The following PTPN23 variants were observed in gnomAD, a reference collection of about 807,000 sequenced individuals.
PTPN23 encodes protein tyrosine phosphatase non-receptor type 23, also known as tyrosine-protein phosphatase non-receptor type 23.
In PTPN23, 72 loss-of-function variants were observed where a neutral mutation model predicts 156.3. That is an observed-to-expected ratio of 0.46 (90% CI 0.38 to 0.56). The LOEUF is 0.56. Ranked by LOEUF, PTPN23 falls within the 20% of genes least tolerant of loss-of-function variation. The pLI is 0.00. For missense variants in PTPN23, 1,974 were observed against 2,171.5 expected, an observed-to-expected ratio of 0.91 and a Z score of 1.81; for synonymous variants, 957 against 899.6, an observed-to-expected ratio of 1.06 and a Z score of -1.14.
rs761360917 is a variant in PTPN23, at chr3:47,410,871, G to A, written c.3073G>A (p.Asp1025Asn). ...HTQLYPGPAQ[D>N]PLPAHSGALP... is the part of the protein sequence containing the mutation. ...CCAGCTCTACCCAGGTCCCGCTCAA[G>A]ACCCTCTGCCAGCCCACTCAGGGGC... is the stretch of plus-strand genomic sequence containing the variant. Residue 1025 changes from aspartate (D) to asparagine (N), a missense_variant, in exon 20 of 25, where the codon GAC (aspartate) becomes AAC (asparagine). By Grantham distance (23) the Asp-to-Asn change is conservative. Around this residue, in one of 4 missense-constraint regions of PTPN23, gnomAD observed 731 missense variants for 669.1 expected, o/e 1.09. Coordinates refer to ENST00000265562, the MANE Select transcript of PTPN23 (RefSeq NM_015466.4). 6.2e-7 allele frequency: 1 copy of A among 1,604,296 alleles called. No individual in the cohort carries two copies. The highest frequency in any genetic ancestry group is 8.5e-7 in the Non-Finnish European group (1 of 1,177,568).
Position 47,410,363 on chromosome 3 carries a change from A to T in PTPN23, c.2565A>T (p.Pro855=). 1 of 1,609,836 alleles carries T rather than the reference A, an allele frequency of 6.2e-7. No homozygotes were observed. Residue 855 remains proline (P), a synonymous_variant, in exon 20 of 25, where the codon CCA becomes CCT. Transcript: ENST00000265562. ...SSPYVGVGPA[P]PVAGLPSAPP... The stretch of plus-strand genomic sequence containing the variant: ...CCTATGTGGGGGTAGGGCCGGCCCC[A>T]CCAGTTGCAGGTCTCCCCTCGGCCC...
At chr3:47,394,103 T>C (rs1704830395) in intron 1 of PTPN23, among the ~76,000 whole-genome samples, 1 of 152,048 alleles carries the variant, frequency 6.6e-6, no homozygotes, top group African/African-American at 2.4e-5. Flanking sequence ...TTACATGACA[T>C]TAATTTTTTG....
In PTPN23 at chr3:47,412,338, G is replaced by A. The variant is rs1383754604; in HGVS notation, c.4234G>A (p.Val1412Met). The A allele has an allele frequency of 6.2e-7, 1 of 1,613,372 alleles. No individual in the cohort carries two copies. The highest frequency in any genetic ancestry group is 8.5e-7 in the Non-Finnish European group (1 of 1,180,036). The change falls in exon 23 of 25, where the codon GTG (valine) becomes ATG (methionine). Residue 1412 changes from valine (V) to methionine (M), a missense_variant. This residue lies in a region of PTPN23 where 484 missense variants were observed against 516.0 expected (regional missense o/e 0.94). Transcript: ENST00000265562. The part of the protein sequence containing the change: ...FALLYAAVQE[V>M]EAGNGIPELP... ...ACTGCTCTATGCAGCTGTGCAGGAGGTGGAGGCTGGGAACGGAATCCCTGA... is the reference window on the plus strand; with the variant it reads ...ACTGCTCTATGCAGCTGTGCAGGAGATGGAGGCTGGGAACGGAATCCCTGA...
rs10647488 is a variant in PTPN23, at chr3:47,404,407, C to CTTT, written c.160-229_160-227dup. Reference sequence around the variant, plus strand: ...CCAGCCTGGGTGACAGAATGAGACTCTTTTTTTTTTTTTTTTTTAAAAAAG... The same window carrying CTTT: ...CCAGCCTGGGTGACAGAATGAGACTCTTTTTTTTTTTTTTTTTTTTTAAAAAAG... On this transcript the variant is annotated intron_variant, in intron 2 of 24. Coordinates refer to ENST00000265562, the MANE Select transcript of PTPN23 (RefSeq NM_015466.4). Among the ~76,000 whole-genome samples the CTTT allele has an allele frequency of 6.3e-3, 880 of 140,586 alleles. 7 individuals carry two copies. Among genetic ancestry groups the CTTT allele is most frequent in the African/African-American group, 0.019 (704 of 37,926 alleles). 92.2% of individuals were successfully genotyped at this position (140,586 alleles called of 152,430 possible).
chr3:47,404,217 A>G (rs1021826081), intron 2 of PTPN23, among the ~76,000 whole-genome samples: 2 of 152,058 alleles, frequency 1.3e-5, no homozygotes, highest in Non-Finnish European at 2.9e-5. Flanking sequence ...GGTGGATCAC[A>G]AGGTCAAGTG....
At chr3:47,404,088 C>T (rs1442850753) in intron 2 of PTPN23, among the ~76,000 whole-genome samples, 2 of 152,050 alleles carry the variant, frequency 1.3e-5, no homozygotes, top group Non-Finnish European at 2.9e-5. Flanking sequence ...AAACTGTGGG[C>T]CAAAAGTTAA....
At chr3:47,387,327 G>C (rs1388000374) in intron 1 of PTPN23, among the ~76,000 whole-genome samples, 1 of 149,170 alleles carries the variant, frequency 6.7e-6, no homozygotes, top group Non-Finnish European at 1.5e-5. Flanking sequence ...AGCACTTTGG[G>C]AGGCCAAGGC....
At chr3:47,399,359 A>T (rs1461645658) in intron 2 of PTPN23, among the ~76,000 whole-genome samples, 2 of 152,114 alleles carry the variant, frequency 1.3e-5, no homozygotes, top group Admixed American at 6.5e-5. Context: ...TCCAGAGTTA[A>T]GTCAGATTCT....
At chr3:47,382,712 G>A (rs1382856516) in intron 1 of PTPN23, among the ~76,000 whole-genome samples, 3 of 46,836 alleles carry the variant, frequency 6.4e-5, no homozygotes, top group South Asian at 1.7e-3. Context: ...TTTTTGAGAC[G>A]GAGTCTCACT....
chr3:47,386,594 A>G (rs779048568), intron 1 of PTPN23, among the ~76,000 whole-genome samples: 2 of 152,284 alleles, frequency 1.3e-5, no homozygotes, highest in Middle Eastern at 3.4e-3. Flanking sequence ...GGCTCTTGAA[A>G]AACTAGCTTG....
intron 1 of PTPN23, among the ~76,000 whole-genome samples, chr3:47,385,923 T>C (rs1704643728): frequency 1.3e-5 from 2 of 152,166 alleles, no homozygotes; most frequent in African/African-American, 4.8e-5. Flanking sequence ...TCCCCAGTCC[T>C]CTCCTATGAG....
Position 47,406,863 on chromosome 3 carries a change from TCAC to T in PTPN23, c.807+115_807+117del. ...GGCCTTCTCTGTCTCACCCTGGCCA[TCAC>T]CCTGCTGGAGGCCTGGTGTCTTAAG... On this transcript the variant is annotated intron_variant, in intron 9 of 24. Transcript: ENST00000265562. The surrounding 1 kb of genome is among the most constrained non-coding windows in gnomAD (Gnocchi z 5.8). 7.2e-7 allele frequency: 1 copy of T among 1,387,668 alleles called. No homozygotes were observed. The highest frequency in any genetic ancestry group is 1.0e-6 in the Non-Finnish European group (1 of 1,002,492). 86.0% of individuals were successfully genotyped at this position (1,387,668 alleles called of 1,614,324 possible).
chr3:47,398,262 G>C (rs1031067647), intron 2 of PTPN23, among the ~76,000 whole-genome samples: 1 of 152,142 alleles, frequency 6.6e-6, no homozygotes, highest in African/African-American at 2.4e-5. Context: ...TCGCACCCCT[G>C]CATCCAGCCT....
At chr3:47,412,660 G>A in intron 24 of PTPN23, 33 bp downstream of exon 24, 2 of 1,606,154 alleles carry the variant, frequency 1.2e-6, no homozygotes, top group Non-Finnish European at 1.7e-6. Context: ...TGCTGGGAGA[G>A]CCACAGCCTT....
rs1161196697 is a variant in PTPN23, at chr3:47,406,206, C to A, written c.547-119C>A. 2.1e-6 allele frequency: 3 copies of A among 1,461,536 alleles called. No homozygotes were observed. The highest frequency in any genetic ancestry group is 2.8e-5 in the African/African-American group (2 of 71,404). 90.5% of individuals were successfully genotyped at this position (1,461,536 alleles called of 1,614,324 possible). A position where few individuals can be genotyped will look rare whatever the true frequency, so the allele number is the denominator to read the frequency against. On this transcript the variant is annotated intron_variant, in intron 6 of 24. Coordinates refer to ENST00000265562, the MANE Select transcript of PTPN23 (RefSeq NM_015466.4). The surrounding 1 kb of genome is among the most constrained non-coding windows in gnomAD (Gnocchi z 5.8). Reference sequence around the variant, plus strand: ...ACCGTGGTGCTGCTTGGAGTGGGGGCAGCTGGGGGAGAGGGCAGTGAAGAG... The same window carrying A: ...ACCGTGGTGCTGCTTGGAGTGGGGGAAGCTGGGGGAGAGGGCAGTGAAGAG...
At position 47,411,265 on chromosome 3, in the gene PTPN23, C is replaced by G; in HGVS notation, c.3467C>G (p.Ala1156Gly). The G allele has an allele frequency of 6.2e-7, 1 of 1,610,240 alleles. No individual in the cohort carries two copies. The change falls in exon 20 of 25, where the codon GCC (alanine) becomes GGC (glycine). Residue 1156 changes from alanine (A) to glycine (G), a missense_variant. By Grantham distance (60) the Ala-to-Gly change is moderately conservative. Around this residue, in one of 4 missense-constraint regions of PTPN23, gnomAD observed 731 missense variants for 669.1 expected, o/e 1.09. Transcript: ENST00000265562. This position sits in a 1 kb window ranked among gnomAD's most constrained non-coding sequence, Gnocchi z 6.3. ...GCAGCTGAGGGTCGTCGGCCGCAGG[C>G]CCTGCGGCTGATTGAGCGGGACCCC... ...VDAAEGRRPQALRLIERDPYE... is the reference protein window; with the variant it reads ...VDAAEGRRPQGLRLIERDPYE...
rs1188437336 is a variant in PTPN23, at chr3:47,405,131, C to G, written c.364+50C>G. On this transcript the variant is annotated intron_variant, in intron 4 of 24. Transcript: ENST00000265562. The surrounding 1 kb of genome is among the most constrained non-coding windows in gnomAD (Gnocchi z 4.7). ...GGCCCTACTCCCCAGTCCTGCCAGC[C>G]TAGCTTTCAGCTCTTCAGATGGCCA... 3.2e-6 allele frequency: 5 copies of G among 1,565,838 alleles called. No homozygotes were observed. Among genetic ancestry groups the G allele is most frequent in the Non-Finnish European group, 4.4e-6 (5 of 1,136,680 alleles).
Position 47,410,580 on chromosome 3 carries a change from G to T in PTPN23, c.2782G>T (p.Ala928Ser). ...LPTPYTYPAGAKQPIPAQHHF... is the reference protein window; with the variant it reads ...LPTPYTYPAGSKQPIPAQHHF... ...CACGCCTTACACCTACCCTGCAGGGGCTAAGCAACCCATCCCGGCACAGCA... is the reference window on the plus strand; with the variant it reads ...CACGCCTTACACCTACCCTGCAGGGTCTAAGCAACCCATCCCGGCACAGCA... Residue 928 changes from alanine (A) to serine (S), a missense_variant, in exon 20 of 25, where the codon GCT becomes TCT. By Grantham distance (99) the Ala-to-Ser change is moderately conservative. Around this residue, in one of 4 missense-constraint regions of PTPN23, gnomAD observed 731 missense variants for 669.1 expected, o/e 1.09. Coordinates refer to ENST00000265562, the MANE Select transcript of PTPN23 (RefSeq NM_015466.4). 1.2e-6 allele frequency: 2 copies of T among 1,612,138 alleles called. No homozygotes were observed. The highest frequency in any genetic ancestry group is 1.7e-6 in the Non-Finnish European group (2 of 1,179,522).
intron 1 of PTPN23, among the ~76,000 whole-genome samples, chr3:47,395,923 G>A (rs576048054): frequency 1.3e-5 from 2 of 152,256 alleles, no homozygotes; most frequent in East Asian, 1.9e-4. Flanking sequence ...AGACTGCAGC[G>A]TTAGGAGGAC....
Sources: allele counts gnomAD v4.1 joint callset (sites outside exome capture counted in the v4.1 genomes callset), GRCh38; gene constraint gnomAD v4.1.1; regional missense constraint gnomAD v4.1.1; non-coding constraint Gnocchi (gnomAD v3.1); transcripts MANE v1.5; gene names NCBI Gene and HGNC (gene_info 2026-07-23, HGNC 2026-07-21).